The following ETV4 variants were observed in gnomAD, a reference collection of about 807,000 sequenced individuals.
ETV4 encodes ETS translocation variant 4.
ETV4 carries 42 observed loss-of-function variants against 65.9 expected under a neutral mutation model. The observed-to-expected ratio is 0.64, with a 90% CI of 0.50 to 0.82. The LOEUF is 0.82. ETV4 is among the 40% of genes least tolerant of loss of function. The pLI, the probability that ETV4 is intolerant of heterozygous loss-of-function variation, is 0.00. For synonymous variants in ETV4, 238 were observed against 260.0 expected, an observed-to-expected ratio of 0.92 and a Z score of 0.81; for missense variants, 583 against 630.3, an observed-to-expected ratio of 0.92 and a Z score of 0.80.
At chr17:43,541,497 A>T (rs1971519282) in intron 4 of ETV4, among the ~76,000 whole-genome samples, 1 of 151,828 alleles carries the variant, frequency 6.6e-6, no homozygotes, top group South Asian at 2.1e-4. Context: ...GCCCAGAGAG[A>T]GAGAAAGAAT....
intron 4 of ETV4, among the ~76,000 whole-genome samples, chr17:43,542,691 C>T (rs1598218324): frequency 6.6e-6 from 1 of 152,114 alleles, no homozygotes; most frequent in Non-Finnish European, 1.5e-5. Flanking sequence ...AACGCCCGGA[C>T]GCAGGACACT....
intron 5 of ETV4, 77 bp downstream of exon 5, chr17:43,536,349 T>C (rs1971242500): frequency 7.7e-7 from 1 of 1,305,408 alleles, no homozygotes; most frequent in South Asian, 1.2e-5. Flanking sequence ...AGCTGCTCTC[T>C]TGTGATTCTC....
Position 43,529,122 on chromosome 17 carries a change from C to T in ETV4, c.1230+13G>A, listed in dbSNP as rs1425842548. The T allele has an allele frequency of 2.5e-6, 4 of 1,613,572 alleles. No homozygotes were observed. In the East Asian group the frequency reaches 6.7e-5, roughly 27 times the overall value. ...GCCCCCCACCACCTTGTCCCTAGAC[C>T]CACAGCCCCCACCTTCTGCATGATG... On this transcript the variant is annotated intron_variant, in intron 12 of 12. Coordinates refer to ENST00000319349, the MANE Select transcript of ETV4 (RefSeq NM_001079675.5).
chr17:43,530,750 A>T (rs529655691), intron 8 of ETV4, among the ~76,000 whole-genome samples: 25 of 152,038 alleles, frequency 1.6e-4, no homozygotes, highest in African/African-American at 6.0e-4. Flanking sequence ...ATTCCATAGG[A>T]TAGGAACCTT....
intron 1 of ETV4, 62 bp from the exon 2 acceptor site, chr17:43,545,730 G>C (rs190884995): frequency 0.017 from 14,250 of 862,164 alleles, 160 homozygotes; most frequent in Non-Finnish European, 0.021. Context: ...GGGGCGGGGA[G>C]GGGGCAGTCC....
Position 43,533,208 on chromosome 17 carries a change from TG to T in ETV4, c.523del (p.His175MetfsTer84). The T allele has an allele frequency of 6.2e-7, 1 of 1,613,052 alleles. No individual in the cohort carries two copies. Among genetic ancestry groups the T allele is most frequent in the Non-Finnish European group, 8.5e-7 (1 of 1,179,694 alleles). On this transcript the variant is annotated frameshift_variant, in exon 7 of 13. Transcript: ENST00000319349. LOFTEE classifies it high-confidence loss of function. ...SSGTSQPHPG[H>X]GYLGEHSSVF... ...TTACCTATGTTCCCCGAGGTACCCA[TG>T]GCCAGGGTGGGGCTGGGAGGTGCCA...
chr17:43,545,053 G>A (rs1302784433), intron 3 of ETV4, 31 bp from the exon 4 acceptor site: 3 of 1,609,224 alleles, frequency 1.9e-6, no homozygotes, highest in African/African-American at 2.7e-5. Context: ...TTGGAGGTGA[G>A]GTGGAGGGGA....
intron 4 of ETV4, 45 bp downstream of exon 4, chr17:43,544,930 C>T: frequency 6.3e-7 from 1 of 1,587,742 alleles, no homozygotes; most frequent in Non-Finnish European, 8.6e-7. Context: ...CGGAGTGTCC[C>T]CCTGTCCAGC....
chr17:43,535,908 C>A (rs946099130), intron 5 of ETV4, among the ~76,000 whole-genome samples: 12 of 152,156 alleles, frequency 7.9e-5, no homozygotes, highest in African/African-American at 2.9e-4. Context: ...GTCAGGAATT[C>A]GAGACCATCC....
At position 43,545,303 on chromosome 17, in the gene ETV4, G is replaced by C; in HGVS notation, c.125C>G (p.Pro42Arg). The C allele has an allele frequency of 6.2e-7, 1 of 1,609,338 alleles. No individual in the cohort carries two copies. The highest frequency in any genetic ancestry group is 8.5e-7 in the Non-Finnish European group (1 of 1,177,804). The change falls in exon 3 of 13, where the codon CCG becomes CGG. Residue 42 changes from proline to arginine, a missense_variant. Coordinates refer to ENST00000319349, the MANE Select transcript of ETV4 (RefSeq NM_001079675.5). ...AGAGTCGAGGGGCGGCAGGGAGCCCGGGTCCATGAGCTTCCCCAGCGGGCC... is the reference window on the plus strand; with the variant it reads ...AGAGTCGAGGGGCGGCAGGGAGCCCCGGTCCATGAGCTTCCCCAGCGGGCC... ...LIGPLGKLMD[P>R]GSLPPLDSED...
intron 1 of ETV4, 45 bp from the exon 2 acceptor site, chr17:43,545,713 T>C: frequency 9.9e-7 from 1 of 1,005,186 alleles, no homozygotes; most frequent in South Asian, 1.4e-5. Context: ...CAGGGAGGGC[T>C]GCGATGGGGG....
chr17:43,536,386 C>G lies in ETV4; in HGVS notation c.256+40G>C, dbSNP rs781077892. ...ATCCTATGACTCACTTCCTGCCATC[C>G]TCCACTCCCTATACCCTCTCCCCAG... On this transcript the variant is annotated intron_variant, in intron 5 of 12. Coordinates refer to ENST00000319349, the MANE Select transcript of ETV4 (RefSeq NM_001079675.5). The G allele has an allele frequency of 1.2e-5, 19 of 1,573,398 alleles. No individual in the cohort carries two copies. In the Admixed American group the frequency reaches 2.5e-4, roughly 21 times the overall value.
At position 43,533,917 on chromosome 17, in the gene ETV4, A is replaced by G. The variant is rs755163567; in HGVS notation, c.325T>C (p.Ser109Pro). Residue 109 changes from serine (S) to proline (P), a missense_variant, in exon 6 of 13, where the codon TCC (serine) becomes CCC (proline). Physicochemically the swap from Ser to Pro is moderately conservative, Grantham distance 74 (BLOSUM62 -1). Transcript: ENST00000319349. ...GGGAGTGGCGGCTTCCTGCTGCAGGACAGGGCCGGGTCTGTGCGGGGACTC... is the reference window on the plus strand; with the variant it reads ...GGGAGTGGCGGCTTCCTGCTGCAGGGCAGGGCCGGGTCTGTGCGGGGACTC... ...PQSPRTDPALSCSRKPPLPYH... is the reference protein window; with the variant it reads ...PQSPRTDPALPCSRKPPLPYH... 5.0e-6 allele frequency: 8 copies of G among 1,592,124 alleles called. No individual in the cohort carries two copies. The South Asian group carries it at 9.2e-5, about 18-fold the overall frequency.
chr17:43,530,449 C>T, intron 8 of ETV4: 1 of 1,358,694 alleles, frequency 7.4e-7, no homozygotes, highest in Non-Finnish European at 9.5e-7. Flanking sequence ...TCTGAAGGGC[C>T]CAAGCTGCCA....
chr17:43,543,989 G>C (rs1191672432), intron 4 of ETV4: 4 of 152,176 alleles, frequency 2.6e-5, no homozygotes, highest in African/African-American at 9.6e-5. Flanking sequence ...AGATACCCAG[G>C]GTGGAGGGAT....
chr17:43,545,742 A>C (rs1269704908), intron 1 of ETV4, 74 bp from the exon 2 acceptor site: 8 of 792,812 alleles, frequency 1.0e-5, no homozygotes, highest in Non-Finnish European at 1.6e-5. Context: ...GGGCAGTCCC[A>C]AGGCTCTGGG....
At chr17:43,530,913 C>T (rs1175721412) in intron 8 of ETV4, among the ~76,000 whole-genome samples, 1 of 152,130 alleles carries the variant, frequency 6.6e-6, no homozygotes, top group African/African-American at 2.4e-5. Flanking sequence ...TCATTCATGC[C>T]TCCATTTTGT....
At chr17:43,541,422 TTATC>T (rs1201834526) in intron 4 of ETV4, among the ~76,000 whole-genome samples, 1 of 152,138 alleles carries the variant, frequency 6.6e-6, no homozygotes, top group African/African-American at 2.4e-5. Flanking sequence ...AAGATGGAGT[TTATC>T]TGTCTGGGGA....
chr17:43,532,762 G>A lies in ETV4; in HGVS notation c.723C>T (p.Ala241=), dbSNP rs777371885. The A allele has an allele frequency of 7.4e-6, 12 of 1,613,884 alleles. No individual in the cohort carries two copies. The highest frequency in any genetic ancestry group is 6.6e-5 in the South Asian group (6 of 91,080). The change falls in exon 8 of 13, where the codon GCC becomes GCT. Residue 241 remains alanine (A), a synonymous_variant. Transcript: ENST00000319349. ...GCCCATTGACCCCACCCTGGTCCAC[G>A]GCTGGCTGGCCCGCCTGTTCATACA... ...DPLYEQAGQP[A]VDQGGVNGHR...
Sources: allele counts gnomAD v4.1 joint callset (sites outside exome capture counted in the v4.1 genomes callset), GRCh38; gene constraint gnomAD v4.1.1; transcripts MANE v1.5; gene names NCBI Gene and HGNC (gene_info 2026-07-23, HGNC 2026-07-21).